MOB3B: variants seen among roughly 807,000 people sequenced by gnomAD.
MOB3B encodes MOB kinase activator 3B, also known as MOB kinase activator-like 2B.
A neutral mutation model predicts 18.7 loss-of-function variants in MOB3B; 7 were observed. The ratio of observed to expected loss-of-function variants is 0.37; its 90% CI spans 0.21 to 0.70. The LOEUF (loss-of-function observed/expected upper bound fraction) is 0.70, where lower values mean the gene tolerates loss of function less well. Among genes scored for constraint, MOB3B ranks in the 30% least tolerant of loss-of-function variants. The pLI is 0.52. For synonymous variants in MOB3B, 111 were observed against 99.9 expected, an observed-to-expected ratio of 1.11 and a Z score of -0.66; for missense variants, 253 against 281.3, an observed-to-expected ratio of 0.90 and a Z score of 0.72.
chr9:27,359,894 C>T (rs957965015), intron 2 of MOB3B, among the ~76,000 whole-genome samples: 2 of 152,188 alleles, frequency 1.3e-5, no homozygotes, highest in East Asian at 1.9e-4. Context: ...CACGTCCTTT[C>T]TCCATCTCAA....
chr9:27,489,938 T>C (rs1241535065), intron 1 of MOB3B, among the ~76,000 whole-genome samples: 1 of 152,012 alleles, frequency 6.6e-6, no homozygotes, highest in African/African-American at 2.4e-5. Flanking sequence ...ACATATATAG[T>C]AAATATTCTT....
chr9:27,391,129 A>G (rs770890524), intron 2 of MOB3B, among the ~76,000 whole-genome samples: 3 of 152,172 alleles, frequency 2.0e-5, no homozygotes, highest in Admixed American at 6.5e-5. Flanking sequence ...AAAGGCATGA[A>G]CCCTTTACTC....
chr9:27,506,938 G>A (rs775666152), intron 1 of MOB3B, among the ~76,000 whole-genome samples: 4 of 149,466 alleles, frequency 2.7e-5, no homozygotes, highest in African/African-American at 4.9e-5. Flanking sequence ...CCTTGGCCTC[G>A]CAAAGTGCTG....
intron 1 of MOB3B, among the ~76,000 whole-genome samples, chr9:27,511,263 T>C (rs1820138674): frequency 6.6e-6 from 1 of 152,288 alleles, no homozygotes; most frequent in African/African-American, 2.4e-5. Flanking sequence ...CAGAACCCTT[T>C]ATTTTATACT....
intron 3 of MOB3B, among the ~76,000 whole-genome samples, chr9:27,352,627 T>C (rs1370187385): frequency 1.3e-5 from 2 of 152,170 alleles, no homozygotes; most frequent in African/African-American, 4.8e-5. Context: ...TTTCACTTCC[T>C]TCCCACCTCC....
chr9:27,411,513 C>G (rs917421703), intron 2 of MOB3B, among the ~76,000 whole-genome samples: 1 of 152,138 alleles, frequency 6.6e-6, no homozygotes, highest in Non-Finnish European at 1.5e-5. Context: ...TATTTCTAGA[C>G]CTTTAAATTG....
At chr9:27,416,818 G>A (rs759982808) in intron 2 of MOB3B, among the ~76,000 whole-genome samples, 5 of 152,024 alleles carry the variant, frequency 3.3e-5, no homozygotes, top group Admixed American at 1.3e-4. Context: ...TTACCGGCAT[G>A]AGCCACCACG....
At chr9:27,389,659 A>AT (rs1156337379) in intron 2 of MOB3B, among the ~76,000 whole-genome samples, 1 of 152,168 alleles carries the variant, frequency 6.6e-6, no homozygotes, top group Admixed American at 6.5e-5. Flanking sequence ...TCACTAGTCC[A>AT]TTAGCTCCCT....
chr9:27,339,557 A>G (rs1187317858), intron 3 of MOB3B, among the ~76,000 whole-genome samples: 1 of 152,214 alleles, frequency 6.6e-6, no homozygotes, highest in African/African-American at 2.4e-5. Flanking sequence ...CACTGTGCTC[A>G]ATGCTGGACA....
chr9:27,475,871 T>C (rs932704667), intron 1 of MOB3B, among the ~76,000 whole-genome samples: 2 of 152,202 alleles, frequency 1.3e-5, no homozygotes, highest in African/African-American at 4.8e-5. Flanking sequence ...ACAGCTGCCA[T>C]TGACTGGGCT....
chr9:27,358,811 A>G, intron 3 of MOB3B: 3 of 734,386 alleles, frequency 4.1e-6, no homozygotes, highest in Non-Finnish European at 5.0e-6. Context: ...TTCCCACAAC[A>G]TTCTGCCACC....
chr9:27,411,444 C>T (rs1362007999), intron 2 of MOB3B, among the ~76,000 whole-genome samples: 1 of 152,170 alleles, frequency 6.6e-6, no homozygotes, highest in Non-Finnish European at 1.5e-5. Context: ...CAGAGTGAGG[C>T]CATAGACGGG....
chr9:27,438,375 C>G (rs747110291), intron 2 of MOB3B, among the ~76,000 whole-genome samples: 9 of 152,168 alleles, frequency 5.9e-5, no homozygotes, highest in Non-Finnish European at 1.2e-4. Flanking sequence ...GGCTTCAGAA[C>G]TGCTACTGCT....
intron 2 of MOB3B, among the ~76,000 whole-genome samples, chr9:27,426,373 G>A (rs1180421326): frequency 1.3e-5 from 2 of 152,220 alleles, no homozygotes; most frequent in Non-Finnish European, 2.9e-5. Flanking sequence ...GAACAGGAAG[G>A]TATAGTGTTG....
intron 1 of MOB3B, among the ~76,000 whole-genome samples, chr9:27,519,290 G>T (rs1820288935): frequency 6.6e-6 from 1 of 152,164 alleles, no homozygotes; most frequent in South Asian, 2.1e-4. Context: ...CTCTCTCACA[G>T]GCGAGGTCTG....
Position 27,368,262 on chromosome 9 carries a change from A to C in MOB3B, c.419-9026T>G, listed in dbSNP as rs115840075. ...ATATATATCCTCCTCCTCTTAGCTT[A>C]TTCTCTTGCCCCTTCATCCATCCAT... On this transcript the variant is annotated intron_variant, in intron 2 of 3. Coordinates refer to ENST00000262244, the MANE Select transcript of MOB3B (RefSeq NM_024761.5). Among the ~76,000 whole-genome samples the C allele has an allele frequency of 4.2e-3, 639 of 152,062 alleles. 7 individuals carry two copies. The highest frequency in any genetic ancestry group is 0.014 in the African/African-American group (567 of 41,494).
chr9:27,427,437 A>G (rs1261732388), intron 2 of MOB3B, among the ~76,000 whole-genome samples: 2 of 152,242 alleles, frequency 1.3e-5, no homozygotes, highest in Non-Finnish European at 2.9e-5. Context: ...AGATGTCTGC[A>G]AGGACAAGGA....
chr9:27,339,440 G>C (rs1209981353), intron 3 of MOB3B, among the ~76,000 whole-genome samples: 2 of 152,240 alleles, frequency 1.3e-5, no homozygotes, highest in East Asian at 1.9e-4. Context: ...ACAAGAGTCA[G>C]AGTGAACAAG....
chr9:27,334,018 T>C (rs749938945), intron 3 of MOB3B, among the ~76,000 whole-genome samples: 24 of 152,244 alleles, frequency 1.6e-4, no homozygotes, highest in Admixed American at 7.9e-4. Context: ...GATGCAATTG[T>C]CAGCTCCTTT....
Sources: allele counts gnomAD v4.1 joint callset (sites outside exome capture counted in the v4.1 genomes callset), GRCh38; gene constraint gnomAD v4.1.1; transcripts MANE v1.5; gene names NCBI Gene and HGNC (gene_info 2026-07-23, HGNC 2026-07-21).